PCDHA2: variants seen among roughly 807,000 people sequenced by gnomAD.
PCDHA2 encodes protocadherin alpha-2.
Under a neutral mutation model 66.0 loss-of-function variants are expected in PCDHA2, and 58 were observed. That is an observed-to-expected ratio of 0.88 (90% CI 0.71 to 1.09). PCDHA2 has a LOEUF of 1.09. PCDHA2 is among the 50% of genes least tolerant of loss of function. PCDHA2 has a pLI of 0.00. For synonymous variants in PCDHA2, 634 were observed against 554.0 expected (o/e 1.14, Z -2.03); for missense variants, 1,267 against 1,242.3 (o/e 1.02, Z -0.30).
At chr5:140,872,920 T>C (rs2153277088) in intron 1 of PCDHA2, among the ~76,000 whole-genome samples, 1 of 152,356 alleles carries the variant, frequency 6.6e-6, no homozygotes, top group South Asian at 2.1e-4. Flanking sequence ...TAATGCCTTA[T>C]CTCTAATGTT....
rs2150256971 is a variant in PCDHA2, at chr5:140,836,289, G to A, written c.2388+38937G>A. 8.7e-6 allele frequency: 14 copies of A among 1,613,792 alleles called. No homozygotes were observed. The South Asian group carries it at 1.5e-4, about 18-fold the overall frequency. Reference sequence around the variant, plus strand: ...CACTGGTGAGATCAGCACGACACGAGCCCTAGATGAGACGGACGCACCGCG... The same window carrying A: ...CACTGGTGAGATCAGCACGACACGAACCCTAGATGAGACGGACGCACCGCG... On this transcript the variant is annotated intron_variant, in intron 1 of 3. Coordinates refer to ENST00000526136, the MANE Select transcript of PCDHA2 (RefSeq NM_018905.3).
At chr5:140,824,610 G>GTTTTTTTTTTTTTTTTTTTTTTTTTTTTT (rs782443702) in intron 1 of PCDHA2, 2 of 95,104 alleles carry the variant, frequency 2.1e-5, no homozygotes, top group Non-Finnish European at 3.8e-5. Context: ...GCTAATTAAA[G>GTTTTTTTTTTTTTTTTTTTTTTTTTTTTT]TTTTTTTTTT....
intron 1 of PCDHA2, chr5:140,871,184 A>G (rs2052793987): frequency 6.2e-7 from 1 of 1,613,434 alleles, no homozygotes; most frequent in African/African-American, 1.3e-5. Context: ...GCGCTGGTGG[A>G]TGTCAACGTG....
intron 1 of PCDHA2, among the ~76,000 whole-genome samples, chr5:140,965,210 T>C (rs1554227481): frequency 6.6e-6 from 1 of 152,214 alleles, no homozygotes; most frequent in Non-Finnish European, 1.5e-5. Context: ...TTCAAATTCC[T>C]GTGGAAGAAA....
At chr5:140,834,377 A>G (rs1445346495) in intron 1 of PCDHA2, 1 of 1,562,428 alleles carries the variant, frequency 6.4e-7, no homozygotes, top group Non-Finnish European at 8.7e-7. Flanking sequence ...CAAGCCAATA[A>G]TTTGAAATGG....
At chr5:140,827,371 C>T (rs1488315949) in intron 1 of PCDHA2, among the ~76,000 whole-genome samples, 1 of 152,100 alleles carries the variant, frequency 6.6e-6, no homozygotes, top group Non-Finnish European at 1.5e-5. Context: ...AGCAAGAATC[C>T]TAATATAAGC....
chr5:140,901,229 T>C (rs1394148058), intron 1 of PCDHA2, among the ~76,000 whole-genome samples: 1 of 152,166 alleles, frequency 6.6e-6, no homozygotes, highest in African/African-American at 2.4e-5. Context: ...ATCCCATATA[T>C]CCATTTTTTT....
chr5:140,911,583 G>C (rs1245667621), intron 1 of PCDHA2, among the ~76,000 whole-genome samples: 4 of 152,150 alleles, frequency 2.6e-5, no homozygotes, highest in African/African-American at 7.2e-5. Context: ...GTGAACTTAG[G>C]AGGAACCAAC....
chr5:140,803,914 G>A (rs1280757638), intron 1 of PCDHA2: 1 of 500,198 alleles, frequency 2.0e-6, no homozygotes, highest in Non-Finnish European at 3.5e-6. Flanking sequence ...ATCTGACTTC[G>A]ACTTGTTTTA....
intron 1 of PCDHA2, chr5:140,842,783 G>C (rs2150344113): frequency 1.3e-6 from 2 of 1,594,544 alleles, no homozygotes; most frequent in Non-Finnish European, 1.7e-6. Context: ...GCAGGAGAAC[G>C]CGCTGGTGTC....
chr5:140,843,244 C>T, intron 1 of PCDHA2: 1 of 1,596,022 alleles, frequency 6.3e-7, no homozygotes, highest in Non-Finnish European at 8.6e-7. Context: ...ACGAAGCGGA[C>T]TCTCCGCGCC....
In PCDHA2 at chr5:140,877,704, C is replaced by T. The variant is rs116613760; in HGVS notation, c.2388+80352C>T. 1.6e-3 allele frequency: 2,639 copies of T among 1,613,952 alleles called. 39 individuals are homozygous for T. The African/African-American group carries it at 0.027, about 17-fold the overall frequency. On this transcript the variant is annotated intron_variant, in intron 1 of 3. Coordinates refer to ENST00000526136, the MANE Select transcript of PCDHA2 (RefSeq NM_018905.3). ...AGCCCACGCTGGTGTGCTCCAGCGC[C>T]GTGGGGAGTTGGTCTTACTCGCAGC...
intron 1 of PCDHA2, among the ~76,000 whole-genome samples, chr5:140,874,292 G>C (rs1554167129): frequency 2.0e-5 from 3 of 152,146 alleles, no homozygotes; most frequent in Non-Finnish European, 4.4e-5. Context: ...AAATCTATGT[G>C]TACTTGTTCA....
At chr5:140,876,231 A>G (rs1428769390) in intron 1 of PCDHA2, 1 of 1,613,886 alleles carries the variant, frequency 6.2e-7, no homozygotes, top group African/African-American at 1.3e-5. Context: ...TGTTGTCTGA[A>G]AATGTCCAAA....
intron 1 of PCDHA2, chr5:140,841,554 G>A (rs2150318076): frequency 0.54 from 859,933 of 1,603,294 alleles, 234,437 homozygotes; most frequent in African/African-American, 0.71. Context: ...CTGGAGGTAA[G>A]TCTGCAGAAT....
chr5:140,828,805 T>C, intron 1 of PCDHA2: 7 of 1,614,212 alleles, frequency 4.3e-6, no homozygotes, highest in Non-Finnish European at 5.9e-6. Context: ...TGAATGATAA[T>C]GCTCCCACTT....
chr5:140,842,062 C>G lies in PCDHA2; in HGVS notation c.2388+44710C>G, dbSNP rs548664799. The G allele has an allele frequency of 3.1e-6, 5 of 1,613,774 alleles. No individual in the cohort carries two copies. In the African/African-American group the frequency reaches 6.7e-5, roughly 22 times the overall value. ...CTCCCACTTTCGAACAGTCTGAATA[C>G]GAAGTAAGAATATTCGAAAACGCAG... On this transcript the variant is annotated intron_variant, in intron 1 of 3. Coordinates refer to ENST00000526136, the MANE Select transcript of PCDHA2 (RefSeq NM_018905.3).
At chr5:140,936,419 TTTAA>T (rs1159041231) in intron 1 of PCDHA2, among the ~76,000 whole-genome samples, 4 of 152,184 alleles carry the variant, frequency 2.6e-5, no homozygotes, top group Non-Finnish European at 5.9e-5. Context: ...TGTTACTAAT[TTTAA>T]TTAATTTAAG....
At chr5:140,829,852 AG>A in intron 1 of PCDHA2, 1 of 1,613,942 alleles carries the variant, frequency 6.2e-7, no homozygotes, top group Non-Finnish European at 8.5e-7. Flanking sequence ...CACTGGGTGC[AG>A]GCCAAGTGGT....
Sources: gnomAD v4.1 joint callset for allele counts (sites outside exome capture counted in the v4.1 genomes callset) on GRCh38, gnomAD v4.1.1 for gene constraint, MANE v1.5 for transcripts, NCBI Gene and HGNC (gene_info 2026-07-23, HGNC 2026-07-21) for gene names.